Variants in ANXA7 observed in about 807,000 individuals in gnomAD.
The protein encoded by ANXA7 is annexin VII.
A neutral mutation model predicts 64.9 loss-of-function variants in ANXA7; 55 were observed. The ratio of observed to expected loss-of-function variants is 0.85; its 90% CI spans 0.68 to 1.06. The LOEUF (loss-of-function observed/expected upper bound fraction) is 1.06. Among genes scored for constraint, ANXA7 ranks in the 50% least tolerant of loss-of-function variants. The pLI is 0.00. For synonymous variants in ANXA7, 200 were observed against 192.4 expected (o/e 1.04, Z -0.33); for missense variants, 548 against 582.1 (o/e 0.94, Z 0.60).
Position 73,380,130 on chromosome 10 carries a change from A to G in ANXA7, c.990T>C (p.Ala330=). Residue 330 remains alanine (A), a synonymous_variant, in exon 10 of 13, where the codon GCT becomes GCC. Coordinates refer to ENST00000372921, the MANE Select transcript of ANXA7 (RefSeq NM_001156.5). ...CATCGGTCCCTAGTCTCCCCTCACCAGCTTGATAGAGACGCTGAGCATCTT... is the reference window on the plus strand; with the variant it reads ...CATCGGTCCCTAGTCTCCCCTCACCGGCTTGATAGAGACGCTGAGCATCTT... ...AQEDAQRLYQ[A]GEGRLGTDES... 1.2e-6 allele frequency: 2 copies of G among 1,614,162 alleles called. No homozygotes were observed. The highest frequency in any genetic ancestry group is 1.7e-6 in the Non-Finnish European group (2 of 1,180,024).
At position 73,380,209 on chromosome 10, in the gene ANXA7, A is replaced by T. The variant is rs1369521075; in HGVS notation, c.919-8T>A. 18 of 1,596,302 alleles carry T rather than the reference A, an allele frequency of 1.1e-5. No individual in the cohort carries two copies. In the Admixed American group the frequency reaches 3.3e-4, roughly 29 times the overall value. Reference sequence around the variant, plus strand: ...GTTCTCATCACGATTTCCCTGCAAAAGAGAAAGGCAGGAATTGGAAGAAAT... The same window carrying T: ...GTTCTCATCACGATTTCCCTGCAAATGAGAAAGGCAGGAATTGGAAGAAAT... On this transcript the variant is annotated splice_polypyrimidine_tract_variant and splice_region_variant and intron_variant, in intron 9 of 12. Transcript: ENST00000372921.
Position 73,379,944 on chromosome 10 carries a change from C to T in ANXA7, c.1100G>A (p.Arg367Gln). The part of the protein sequence containing the change: ...TMEAYSRMAN[R>Q]DLLSSVSREF... ...ACGGCTCACACTGCTTAACAAGTCT[C>T]GATTAGCCATCTGCAAACAAAATTA... The change falls in exon 11 of 13, where the codon CGA becomes CAA. Residue 367 changes from arginine to glutamine, a missense_variant. By Grantham distance (43) the Arg-to-Gln change is conservative. Coordinates refer to ENST00000372921, the MANE Select transcript of ANXA7 (RefSeq NM_001156.5). The T allele has an allele frequency of 3.1e-6, 5 of 1,614,016 alleles. No individual in the cohort carries two copies. The highest frequency in any genetic ancestry group is 1.1e-5 in the South Asian group (1 of 91,020).
Position 73,377,569 on chromosome 10 carries a change from CAAAAAAAAAAAAAA to C in ANXA7, c.1278+1328_1278+1341del, listed in dbSNP as rs765858882. The C allele has an allele frequency of 5.4e-4, 16 of 29,608 alleles. No individual in the cohort carries two copies. The Admixed American group carries it at 8.7e-3, about 16-fold the overall frequency. 1.8% of individuals were successfully genotyped at this position (29,608 alleles called of 1,614,324 possible). On this transcript the variant is annotated intron_variant, in intron 12 of 12. Transcript: ENST00000372921. Reference sequence around the variant, plus strand: ...TGGGTGACAGAGCGAGACTCCATCTCAAAAAAAAAAAAAAAAAAAAAAAAAAAAACACGCAATAA... The same window carrying C: ...TGGGTGACAGAGCGAGACTCCATCTCAAAAAAAAAAAAAAACACGCAATAA...
chr10:73,398,476 G>T (rs2055612020), intron 2 of ANXA7, 91 bp from the exon 3 acceptor site: 3 of 1,144,412 alleles, frequency 2.6e-6, no homozygotes, highest in South Asian at 3.1e-5. Flanking sequence ...TATTATTAAG[G>T]TCTACCTCAT....
In ANXA7 at chr10:73,375,611, C is replaced by T. The variant is rs1349182161; in HGVS notation, c.*484G>A. ...GTGGAAAGTGTTTATGAATACAGAA[C>T]CAATTTAGGCAAAATGAGATGCAAA... On this transcript the variant is annotated 3_prime_UTR_variant, in exon 13 of 13. Coordinates refer to ENST00000372921, the MANE Select transcript of ANXA7 (RefSeq NM_001156.5). 2 of 152,060 alleles carry T rather than the reference C, an allele frequency of 1.3e-5. No homozygotes were observed. Among genetic ancestry groups the T allele is most frequent in the African/African-American group, 4.8e-5 (2 of 41,352 alleles). 9.4% of individuals were successfully genotyped at this position (152,060 alleles called of 1,614,324 possible). A position where few individuals can be genotyped will look rare whatever the true frequency, so the allele number is the denominator to read the frequency against.
intron 12 of ANXA7, 102 bp from the exon 13 acceptor site, chr10:73,376,319 G>GTGTTTTCCCCCCCAAGTTTT: frequency 2.5e-6 from 3 of 1,182,072 alleles, no homozygotes; most frequent in Non-Finnish European, 3.4e-6. Flanking sequence ...TCAAAACTTG[G>GTGTTTTCCCCCCCAAGTTTT]GGGGGAAAAC....
At chr10:73,404,352 C>T (rs1261026395) in intron 1 of ANXA7, among the ~76,000 whole-genome samples, 2 of 152,168 alleles carry the variant, frequency 1.3e-5, no homozygotes, top group Non-Finnish European at 2.9e-5. Flanking sequence ...TCAAAAGGTG[C>T]TCATTTCCAT....
At position 73,377,116 on chromosome 10, in the gene ANXA7, T is replaced by C. The variant is rs1027506983; in HGVS notation, c.1279-899A>G. Among the ~76,000 whole-genome samples the C allele has an allele frequency of 3.3e-5, 5 of 152,336 alleles. No individual in the cohort carries two copies. The South Asian group carries it at 1.0e-3, about 32-fold the overall frequency. On this transcript the variant is annotated intron_variant, in intron 12 of 12. Transcript: ENST00000372921. ...TGATGGTTGCATAACAATGTGAATGTACTTACTGCTACTTAAAAATGGTAA... is the reference window on the plus strand; with the variant it reads ...TGATGGTTGCATAACAATGTGAATGCACTTACTGCTACTTAAAAATGGTAA...
At position 73,397,184 on chromosome 10, in the gene ANXA7, G is replaced by A. The variant is rs2055589111; in HGVS notation, c.350C>T (p.Pro117Leu). The A allele has an allele frequency of 1.2e-6, 2 of 1,607,842 alleles. No individual in the cohort carries two copies. The highest frequency in any genetic ancestry group is 1.7e-6 in the Non-Finnish European group (2 of 1,176,392). Residue 117 changes from proline (P) to leucine (L), a missense_variant, in exon 4 of 13, where the codon CCA (proline) becomes CTA (leucine). Coordinates refer to ENST00000372921, the MANE Select transcript of ANXA7 (RefSeq NM_001156.5). ...CCTACCAGGTAGTGGAACCTGTGCT[G>A]GACCACCTCCATAAGACTGTGAAGG... ...QPPSQSYGGG[P>L]AQVPLPGGFP...
chr10:73,409,664 C>T (rs1589668209), intron 1 of ANXA7, among the ~76,000 whole-genome samples: 1 of 152,234 alleles, frequency 6.6e-6, no homozygotes, highest in East Asian at 1.9e-4. Context: ...TTAGAAAAAA[C>T]AATCCTAAAA....
chr10:73,396,108 A>C, intron 5 of ANXA7: 3 of 1,580,814 alleles, frequency 1.9e-6, no homozygotes, highest in Non-Finnish European at 2.6e-6. Context: ...ATCTGTATTG[A>C]TCTGAAAAAA....
At chr10:73,382,457 T>G (rs893137597) in intron 9 of ANXA7, among the ~76,000 whole-genome samples, 2 of 152,106 alleles carry the variant, frequency 1.3e-5, no homozygotes, top group Non-Finnish European at 2.9e-5. Context: ...ATCCTCCCAC[T>G]GAACTTCCTG....
At chr10:73,390,723 A>ATAT (rs1403567233) in intron 5 of ANXA7, among the ~76,000 whole-genome samples, 1 of 113,518 alleles carries the variant, frequency 8.8e-6, no homozygotes, top group Non-Finnish European at 1.7e-5. Flanking sequence ...TATATATAAA[A>ATAT]ATATATATAT....
chr10:73,398,165 G>A lies in ANXA7; in HGVS notation c.259+16C>T, dbSNP rs376019589. On this transcript the variant is annotated intron_variant, in intron 3 of 12. Coordinates refer to ENST00000372921, the MANE Select transcript of ANXA7 (RefSeq NM_001156.5). ...AGCAATCCCAATCATTACTAATTCC[G>A]CAACCCGTAACTCACCTCCGGGATA... The A allele has an allele frequency of 2.4e-5, 38 of 1,597,898 alleles. 1 individual carries two copies. The highest frequency in any genetic ancestry group is 8.1e-5 in the African/African-American group (6 of 74,454).
At chr10:73,388,464 A>C (rs1564525405) in intron 5 of ANXA7, 50 bp from the exon 6 acceptor site, 4 of 1,420,278 alleles carry the variant, frequency 2.8e-6, no homozygotes, top group Non-Finnish European at 3.0e-6. Context: ...GTAAGTTTCT[A>C]ATGAGGAAAC....
chr10:73,400,034 T>G (rs539803474), intron 2 of ANXA7, among the ~76,000 whole-genome samples: 1 of 151,162 alleles, frequency 6.6e-6, no homozygotes, highest in East Asian at 2.0e-4. Flanking sequence ...TCCTAGCTAC[T>G]CGGGAGGCTG....
Position 73,397,220 on chromosome 10 carries a change from T to C in ANXA7, c.314A>G (p.Tyr105Cys). 6.2e-7 allele frequency: 1 copy of C among 1,612,714 alleles called. No homozygotes were observed. The highest frequency in any genetic ancestry group is 2.2e-5 in the East Asian group (1 of 44,858). ...VPPGGAGFSG[Y>C]PQPPSQSYGG... ...ATAAGACTGTGAAGGTGGCTGTGGA[T>C]ACCCAGAAAAGCCTGCTCCACCTGG... The change falls in exon 4 of 13, where the codon TAT (tyrosine) becomes TGT (cysteine). Residue 105 changes from tyrosine to cysteine, a missense_variant. Transcript: ENST00000372921.
chr10:73,395,366 T>C (rs78260167), intron 5 of ANXA7, among the ~76,000 whole-genome samples: 3,039 of 152,242 alleles, frequency 0.02, 92 homozygotes, highest in African/African-American at 0.07. Flanking sequence ...ATATCCAATA[T>C]AGAAATCAAT....
At chr10:73,394,355 T>C (rs866057380) in intron 5 of ANXA7, among the ~76,000 whole-genome samples, 1 of 152,190 alleles carries the variant, frequency 6.6e-6, no homozygotes, top group South Asian at 2.1e-4. Flanking sequence ...GCCATCCCAT[T>C]ACTAGGTATA....
Sources: allele counts gnomAD v4.1 joint callset (sites outside exome capture counted in the v4.1 genomes callset), GRCh38; gene constraint gnomAD v4.1.1; transcripts MANE v1.5; gene names NCBI Gene and HGNC (gene_info 2026-07-23, HGNC 2026-07-21).